Variants in SLC14A2 observed in about 807,000 individuals in gnomAD.
SLC14A2 encodes solute carrier family 14 member 2, also known as urea transporter 2.
In SLC14A2, 91 loss-of-function variants were observed where a neutral mutation model predicts 104.6. That is an observed-to-expected ratio of 0.87 (90% CI 0.73 to 1.04). The LOEUF is 1.04. Ranked by LOEUF, SLC14A2 falls within the 50% of genes least tolerant of loss-of-function variation. The probability of loss-of-function intolerance (pLI) is 0.00; values close to 1 mark genes in which losing one functional copy is unlikely to be tolerated. For synonymous variants in SLC14A2, 476 were observed against 466.4 expected (o/e 1.02, Z -0.27); for missense variants, 1,189 against 1,156.0 (o/e 1.03, Z -0.41).
intron 1 of SLC14A2, among the ~76,000 whole-genome samples, chr18:45,313,567 T>C (rs1408341344): frequency 6.6e-6 from 1 of 152,202 alleles, no homozygotes; most frequent in Admixed American, 6.5e-5. Flanking sequence ...GCAGGGATCC[T>C]GAAGTAAGGC....
chr18:45,195,948 C>T, the SLC14A2 span, among the ~76,000 whole-genome samples: 2 of 152,054 alleles, frequency 1.3e-5, no homozygotes, highest in African/African-American at 2.4e-5. Flanking sequence ...CCTCCCAAGC[C>T]AGAGTAGGCT....
chr18:45,360,530 A>G (rs908681740), intron 1 of SLC14A2, among the ~76,000 whole-genome samples: 33 of 152,338 alleles, frequency 2.2e-4, no homozygotes, highest in Middle Eastern at 3.4e-3. Flanking sequence ...CCCATTTTCT[A>G]AAGGCTTCTG....
At chr18:45,593,647 G>A (rs1262331107) in intron 2 of SLC14A2, among the ~76,000 whole-genome samples, 1 of 151,346 alleles carries the variant, frequency 6.6e-6, no homozygotes, top group African/African-American at 2.4e-5. Flanking sequence ...CTGCCACCAC[G>A]CCCAGCTAAT....
intron 2 of SLC14A2, chr18:45,492,187 G>A (rs1170818716): frequency 6.6e-6 from 1 of 152,236 alleles, no homozygotes; most frequent in Non-Finnish European, 1.5e-5. Context: ...TTGGCTGACT[G>A]TACCTCTCTA....
chr18:45,593,135 G>A (rs1376203416), intron 2 of SLC14A2, among the ~76,000 whole-genome samples: 1 of 152,090 alleles, frequency 6.6e-6, no homozygotes, highest in Non-Finnish European at 1.5e-5. Flanking sequence ...GGCTAACATG[G>A]TGAAACCCCA....
chr18:45,528,711 G>A (rs2043636039), intron 2 of SLC14A2: 1 of 152,072 alleles, frequency 6.6e-6, no homozygotes, highest in Non-Finnish European at 1.5e-5. Flanking sequence ...AAGTTACTTA[G>A]AGTCTCAAAA....
chr18:45,283,975 C>G (rs2084788952), intron 1 of SLC14A2, among the ~76,000 whole-genome samples: 1 of 152,106 alleles, frequency 6.6e-6, no homozygotes, highest in African/African-American at 2.4e-5. Context: ...TGGAAAAGCT[C>G]TCATTTAACC....
the SLC14A2 span, among the ~76,000 whole-genome samples, chr18:45,183,906 AT>A: frequency 0.13 from 8,119 of 61,662 alleles, 75 homozygotes; most frequent in Non-Finnish European, 0.16. Context: ...TAATTTTCTA[AT>A]TTTTTTTTTT....
At chr18:45,644,815 G>A (rs940183495) in intron 10 of SLC14A2, among the ~76,000 whole-genome samples, 3 of 152,156 alleles carry the variant, frequency 2.0e-5, no homozygotes, top group Non-Finnish European at 4.4e-5. Flanking sequence ...TGGAGGATAA[G>A]CATTTCTTAG....
intron 1 of SLC14A2, among the ~76,000 whole-genome samples, chr18:45,454,929 A>G (rs1393427814): frequency 6.6e-6 from 1 of 152,194 alleles, no homozygotes; most frequent in Non-Finnish European, 1.5e-5. Flanking sequence ...GTTTGAAGTC[A>G]GGTAGCGTGA....
At chr18:45,663,749 T>G in intron 10 of SLC14A2, 36 bp from the exon 11 acceptor site, 1 of 1,605,420 alleles carries the variant, frequency 6.2e-7, no homozygotes, top group Non-Finnish European at 8.5e-7. Flanking sequence ...GCGGACTAGG[T>G]GGGACACTGA....
At chr18:45,354,465 A>G (rs551443859) in intron 1 of SLC14A2, among the ~76,000 whole-genome samples, 1 of 152,328 alleles carries the variant, frequency 6.6e-6, no homozygotes, top group Non-Finnish European at 1.5e-5. Flanking sequence ...CATGTGAGTG[A>G]CACAAGAGAA....
At chr18:45,223,808 CT>C (rs1322616821) in intron 1 of SLC14A2, among the ~76,000 whole-genome samples, 1 of 152,202 alleles carries the variant, frequency 6.6e-6, no homozygotes, top group African/African-American at 2.4e-5. Context: ...ACCCAGAGAC[CT>C]TCAAGGCTCT....
intron 2 of SLC14A2, among the ~76,000 whole-genome samples, chr18:45,563,014 T>C (rs536432790): frequency 4.7e-4 from 72 of 152,340 alleles, no homozygotes; most frequent in African/African-American, 1.7e-3. Flanking sequence ...GTGTTTGGAT[T>C]TTCTAGGTCT....
intron 1 of SLC14A2, among the ~76,000 whole-genome samples, chr18:45,408,058 A>G (rs2086175657): frequency 6.6e-6 from 1 of 152,228 alleles, no homozygotes; most frequent in Non-Finnish European, 1.5e-5. Context: ...ATTTGCAAAC[A>G]ATGTAATATC....
At chr18:45,577,403 T>A (rs2044431582) in intron 2 of SLC14A2, among the ~76,000 whole-genome samples, 1 of 152,154 alleles carries the variant, frequency 6.6e-6, no homozygotes, top group South Asian at 2.1e-4. Context: ...GGAGAGTCAC[T>A]AAGGCCAGCC....
intron 1 of SLC14A2, chr18:45,447,262 T>C (rs1254618732): frequency 1.3e-5 from 2 of 152,202 alleles, no homozygotes; most frequent in East Asian, 3.9e-4. Context: ...TTACCTGGCT[T>C]CTTTGCCCCA....
At chr18:45,579,420 G>C (rs1422973955) in intron 2 of SLC14A2, among the ~76,000 whole-genome samples, 1 of 152,196 alleles carries the variant, frequency 6.6e-6, no homozygotes, top group Non-Finnish European at 1.5e-5. Context: ...ATAGGGTTGG[G>C]GATGGTAGTG....
chr18:45,436,631 C>G (rs1338337928), intron 1 of SLC14A2: 1 of 152,198 alleles, frequency 6.6e-6, no homozygotes, highest in Non-Finnish European at 1.5e-5. Context: ...CCTCTTACAG[C>G]ATCCTGGTTA....
Sources: allele counts gnomAD v4.1 joint callset (sites outside exome capture counted in the v4.1 genomes callset), GRCh38; gene constraint gnomAD v4.1.1; transcripts MANE v1.5; gene names NCBI Gene and HGNC (gene_info 2026-07-23, HGNC 2026-07-21).